EPHB6: variants seen among roughly 807,000 people sequenced by gnomAD.
EPHB6 encodes ephrin type-B receptor 6.
Under a neutral mutation model 107.0 loss-of-function variants are expected in EPHB6, and 51 were observed. The ratio of observed to expected loss-of-function variants is 0.48; its 90% CI spans 0.38 to 0.60. EPHB6 has a LOEUF of 0.60. EPHB6 is among the 20% of genes least tolerant of loss of function. The pLI is 0.00. For missense variants in EPHB6, 1,141 were observed against 1,355.5 expected (o/e 0.84, Z 2.48); for synonymous variants, 553 against 549.0 (o/e 1.01, Z -0.10).
rs752688738 is a variant in EPHB6, at chr7:142,868,581, G to A, written c.2128G>A (p.Ala710Thr). 1.5e-5 allele frequency: 25 copies of A among 1,613,288 alleles called. No homozygotes were observed. Among genetic ancestry groups the A allele is most frequent in the Middle Eastern group, 1.6e-4 (1 of 6,084 alleles). ...CATCCAGGCCCTGTGGGCCGGGGGC[G>A]CCGAAAGCCTGCAGATGACCTTCCT... ...VAIQALWAGGAESLQMTFLGR... is the reference protein window; with the variant it reads ...VAIQALWAGGTESLQMTFLGR... The change falls in exon 15 of 20, where the codon GCC becomes ACC. Residue 710 changes from alanine (A) to threonine (T), a missense_variant. Physicochemically the swap from Ala to Thr is moderately conservative, Grantham distance 58. This residue lies in a region of EPHB6 where 616 missense variants were observed against 759.3 expected (regional missense o/e 0.81). Coordinates refer to ENST00000652003, the MANE Select transcript of EPHB6 (RefSeq NM_004445.6). The surrounding 1 kb of genome is among the most constrained non-coding windows in gnomAD (Gnocchi z 4.2).
rs1194703040 is a variant in EPHB6, at chr7:142,855,426, G to T, written c.-432+41G>T. 1 of 152,466 alleles carries T rather than the reference G, an allele frequency of 6.6e-6. No homozygotes were observed. The highest frequency in any genetic ancestry group is 1.9e-4 in the East Asian group (1 of 5,172). 9.4% of individuals were successfully genotyped at this position (152,466 alleles called of 1,614,324 possible). A position where few individuals can be genotyped will look rare whatever the true frequency, so the allele number is the denominator to read the frequency against. On this transcript the variant is annotated intron_variant, in intron 1 of 19. Transcript: ENST00000652003. This position sits in a 1 kb window ranked among gnomAD's most constrained non-coding sequence, Gnocchi z 4.2. ...TAGCAGGCGGCGTTGTGGGGGTCGG[G>T]GACAGTATGCTTGGGGACAGAGGAA...
intron 1 of EPHB6, among the ~76,000 whole-genome samples, chr7:142,859,945 C>T (rs987059469): frequency 6.6e-6 from 1 of 152,168 alleles, no homozygotes; most frequent in East Asian, 1.9e-4. Flanking sequence ...GTTGTCATTA[C>T]GAGGCATGCT....
Position 142,862,022 on chromosome 7 carries a change from A to T in EPHB6, c.-291A>T, listed in dbSNP as rs965324133. 1 of 152,264 alleles carries T rather than the reference A, an allele frequency of 6.6e-6. No homozygotes were observed. The highest frequency in any genetic ancestry group is 1.5e-5 in the Non-Finnish European group (1 of 68,066). The allele number at this position is 152,264 out of a possible 1,614,324, so 9.4% of individuals were successfully genotyped here. ...TAGAAATATCTTTCTCACAGTCTAG[A>T]TGCTGGGAAGTCCAAGATCAGGGTG... On this transcript the variant is annotated 5_prime_UTR_variant, in exon 3 of 20. The change abolishes an upstream ATG in the 5' untranslated region. Transcript: ENST00000652003.
rs930888394 is a variant in EPHB6, at chr7:142,862,563, C to G, written c.-179-193C>G. ...TTCTGTATTTATTCTGGTCCCTTCC[C>G]TCCCATCATACCCCACAGCCATCTT... On this transcript the variant is annotated intron_variant, in intron 3 of 19. Transcript: ENST00000652003. 5.9e-5 allele frequency among the ~76,000 whole-genome samples: 9 copies of G among 152,146 alleles called. No homozygotes were observed. The South Asian group carries it at 1.7e-3, about 28-fold the overall frequency.
At position 142,855,561 on chromosome 7, in the gene EPHB6, G is replaced by A. The variant is rs8177103; in HGVS notation, c.-432+176G>A. On this transcript the variant is annotated intron_variant, in intron 1 of 19. Transcript: ENST00000652003. The surrounding 1 kb of genome is among the most constrained non-coding windows in gnomAD (Gnocchi z 4.2). The stretch of plus-strand genomic sequence containing the variant: ...TGGGGTTCATGAAGGGTGAGGAAAC[G>A]GTCAACCTGGCTACTCCCCTCTCAC... Among the ~76,000 whole-genome samples the A allele has an allele frequency of 0.025, 3,864 of 152,182 alleles. 174 individuals carry two copies. The highest frequency in any genetic ancestry group is 0.088 in the African/African-American group (3,634 of 41,510).
rs778089935 is a variant in EPHB6 at position 142,868,312 on chromosome 7, C to T, written c.1990C>T (p.Arg664Trp). 1.3e-5 allele frequency: 21 copies of T among 1,614,000 alleles called. No homozygotes were observed. Among genetic ancestry groups the T allele is most frequent in the East Asian group, 2.2e-5 (1 of 44,888 alleles). The change falls in exon 14 of 20, where the codon CGG (arginine) becomes TGG (tryptophan). Residue 664 changes from arginine (R) to tryptophan (W), a missense_variant. This residue lies in a region of EPHB6 where 616 missense variants were observed against 759.3 expected (regional missense o/e 0.81). Transcript: ENST00000652003. This position sits in a 1 kb window ranked among gnomAD's most constrained non-coding sequence, Gnocchi z 4.2. ...CTGTCAGGCCATCCGAGAACTTGCC[C>T]GGGAAGTCGATCCTGCTTATATCAA... ...DPCQAIRELA[R>W]EVDPAYIKIE...
intron 1 of EPHB6, among the ~76,000 whole-genome samples, chr7:142,859,185 G>A (rs1802739242): frequency 6.6e-6 from 1 of 152,206 alleles, no homozygotes. Context: ...TCTCAAGCAG[G>A]CTGTGAGAGA....
Position 142,867,298 on chromosome 7 carries a change from T to C in EPHB6, c.1750+230T>C, listed in dbSNP as rs900610389. ...TGTGGATATAGGAGGGCTGTGGGGA[T>C]GTGTGTGTGTGTTGTGTGTCCCTGG... On this transcript the variant is annotated intron_variant, in intron 11 of 19. Coordinates refer to ENST00000652003, the MANE Select transcript of EPHB6 (RefSeq NM_004445.6). The surrounding 1 kb of genome is among the most constrained non-coding windows in gnomAD (Gnocchi z 5.3). The C allele has an allele frequency of 3.4e-6, 2 of 588,592 alleles. No individual in the cohort carries two copies. The highest frequency in any genetic ancestry group is 1.9e-5 in the African/African-American group (1 of 53,246). The allele number at this position is 588,592 out of a possible 1,614,324, so 36.5% of individuals were successfully genotyped here. A position where few individuals can be genotyped will look rare whatever the true frequency, so the allele number is the denominator to read the frequency against.
At chr7:142,865,748 T>C in intron 8 of EPHB6, 118 bp downstream of exon 8, 1 of 1,448,082 alleles carries the variant, frequency 6.9e-7, no homozygotes, top group Non-Finnish European at 9.4e-7. Context: ...TCCCCTATTT[T>C]CTTGGCTTCC....
chr7:142,863,595 G>A (rs1284000872), intron 5 of EPHB6, 36 bp from the exon 6 acceptor site: 1 of 1,608,946 alleles, frequency 6.2e-7, no homozygotes, highest in Admixed American at 1.7e-5. Flanking sequence ...CTGGCTGGAG[G>A]CTTGGCCACT....
In EPHB6 at chr7:142,869,244, C is replaced by T. The variant is rs1794779267; in HGVS notation, c.2460+97C>T. 2.9e-6 allele frequency: 4 copies of T among 1,399,060 alleles called. No homozygotes were observed. Among genetic ancestry groups the T allele is most frequent in the South Asian group, 2.4e-5 (2 of 84,092 alleles). The allele number at this position is 1,399,060 out of a possible 1,614,324, so 86.7% of individuals were successfully genotyped here. ...GAGCTGGAATCTGGGGTAGGTACCT[C>T]AGCCGGGGTGTCATAGTCCCTGAAA... is the stretch of plus-strand genomic sequence containing the variant. On this transcript the variant is annotated intron_variant, in intron 16 of 19. Coordinates refer to ENST00000652003, the MANE Select transcript of EPHB6 (RefSeq NM_004445.6). The surrounding 1 kb of genome is among the most constrained non-coding windows in gnomAD (Gnocchi z 4.5).
chr7:142,866,417 C>A lies in EPHB6; in HGVS notation c.1463-64C>A. ...GCCTGGTCCACCCCTGCCGCCCTCC[C>A]CTCAAGGCTGATCCTGCTCCCAGGG... On this transcript the variant is annotated intron_variant, in intron 9 of 19. Transcript: ENST00000652003. This position sits in a 1 kb window ranked among gnomAD's most constrained non-coding sequence, Gnocchi z 5.2. 1 of 1,612,966 alleles carries A rather than the reference C, an allele frequency of 6.2e-7. No individual in the cohort carries two copies.
chr7:142,862,818 GA>G lies in EPHB6; in HGVS notation c.-104del, dbSNP rs1346772225. The G allele has an allele frequency of 0.018, 2,731 of 154,630 alleles. 7 individuals carry two copies. The highest frequency in any genetic ancestry group is 0.025 in the East Asian group (158 of 6,412). The allele number at this position is 154,630 out of a possible 1,614,324, so 9.6% of individuals were successfully genotyped here. A position where few individuals can be genotyped will look rare whatever the true frequency, so the allele number is the denominator to read the frequency against. On this transcript the variant is annotated 5_prime_UTR_variant, in exon 4 of 20. The change creates a premature stop within an existing upstream ORF in the 5' untranslated region. Transcript: ENST00000652003. The stretch of plus-strand genomic sequence containing the variant: ...GAAAGAACTGGAATAACCCCTTGCA[GA>G]AAAAAAAAAAAAGGGTAAGATTGAC...
In EPHB6 at chr7:142,866,939, A is replaced by T. The variant is rs756276140; in HGVS notation, c.1621A>T (p.Ser541Cys). 1 of 1,614,090 alleles carries T rather than the reference A, an allele frequency of 6.2e-7. No homozygotes were observed. Among genetic ancestry groups the T allele is most frequent in the South Asian group, 1.1e-5 (1 of 91,068 alleles). Residue 541 changes from serine (S) to cysteine (C), a missense_variant, in exon 11 of 20, where the codon AGC becomes TGC. Coordinates refer to ENST00000652003, the MANE Select transcript of EPHB6 (RefSeq NM_004445.6). The surrounding 1 kb of genome is among the most constrained non-coding windows in gnomAD (Gnocchi z 5.2). ...EDESHSFTLTSETNTATVTQL... is the reference protein window; with the variant it reads ...EDESHSFTLTCETNTATVTQL... The stretch of plus-strand genomic sequence containing the variant: ...CGAATCCCACTCCTTCACCCTGACC[A>T]GCGAGACCAACACTGCCACCGTGAC...
Position 142,863,696 on chromosome 7 carries a change from G to A in EPHB6, c.165+1G>A, listed in dbSNP as rs1276571028. 6.2e-7 allele frequency: 1 copy of A among 1,613,722 alleles called. No homozygotes were observed. The highest frequency in any genetic ancestry group is 8.5e-7 in the Non-Finnish European group (1 of 1,179,930). The stretch of plus-strand genomic sequence containing the variant: ...CTGGCTCACCTACCCACCAGGGGGG[G>A]TGAGTGCCACTCTAATTCTGAACCT... On this transcript the variant is annotated splice_donor_variant, in intron 6 of 19. Transcript: ENST00000652003. LOFTEE classifies it high-confidence loss of function.
chr7:142,869,643 A>G lies in EPHB6; in HGVS notation c.2461-174A>G. ...TAGTAGTTGCTCCATAAACGTGACT[A>G]TTGCTTCTGCTTCTGTGAAATGGAG... On this transcript the variant is annotated intron_variant, in intron 16 of 19. Coordinates refer to ENST00000652003, the MANE Select transcript of EPHB6 (RefSeq NM_004445.6). This position sits in a 1 kb window ranked among gnomAD's most constrained non-coding sequence, Gnocchi z 4.5. The G allele has an allele frequency of 2.6e-6, 2 of 756,294 alleles. No homozygotes were observed. The highest frequency in any genetic ancestry group is 1.6e-5 in the South Asian group (1 of 61,250). The allele number at this position is 756,294 out of a possible 1,614,324, so 46.8% of individuals were successfully genotyped here.
At chr7:142,856,634 G>T (rs902235686) in intron 1 of EPHB6, among the ~76,000 whole-genome samples, 22 of 152,102 alleles carry the variant, frequency 1.4e-4, no homozygotes, top group African/African-American at 4.1e-4. Context: ...GTTCTGGAGG[G>T]TTTGGGAAGC....
At chr7:142,862,263 T>A (rs901092089) in intron 3 of EPHB6, 130 bp downstream of exon 3, 1 of 152,196 alleles carries the variant, frequency 6.6e-6, no homozygotes, top group Non-Finnish European at 1.5e-5. Context: ...GGAGTTAGGA[T>A]TTCAACATAT....
rs1794638479 is a variant in EPHB6 at position 142,867,031 on chromosome 7, C to G, written c.1713C>G (p.Pro571=). The change falls in exon 11 of 20, where the codon CCC becomes CCG. Residue 571 remains proline, a synonymous_variant. Coordinates refer to ENST00000652003, the MANE Select transcript of EPHB6 (RefSeq NM_004445.6). This position sits in a 1 kb window ranked among gnomAD's most constrained non-coding sequence, Gnocchi z 5.3. ...CCCGGACTGCTGCCGGCCACGGCCC[C>G]TACGGGGGCAAAGTCTATTTCCAGA... ...VRARTAAGHG[P]YGGKVYFQTL... 1 of 1,614,036 alleles carries G rather than the reference C, an allele frequency of 6.2e-7. No homozygotes were observed. The highest frequency in any genetic ancestry group is 8.5e-7 in the Non-Finnish European group (1 of 1,180,008).
Sources: allele counts gnomAD v4.1 joint callset (sites outside exome capture counted in the v4.1 genomes callset), GRCh38; gene constraint gnomAD v4.1.1; regional missense constraint gnomAD v4.1.1; non-coding constraint Gnocchi (gnomAD v3.1); transcripts MANE v1.5; gene names NCBI Gene and HGNC (gene_info 2026-07-23, HGNC 2026-07-21).